The following AMPH variants were observed in gnomAD, a reference collection of about 807,000 sequenced individuals.
AMPH encodes the protein amphiphysin, also known as amphiphysin (Stiff-Mann syndrome with breast cancer 128kD autoantigen).
A neutral mutation model predicts 99.1 loss-of-function variants in AMPH; 49 were observed. The observed-to-expected ratio is 0.49, with a 90% CI of 0.39 to 0.63. The LOEUF (loss-of-function observed/expected upper bound fraction) is 0.63. Ranked by LOEUF, AMPH falls within the 20% of genes least tolerant of loss-of-function variation. The pLI is 0.00. For synonymous variants in AMPH, 314 were observed against 317.3 expected (o/e 0.99, Z 0.11); for missense variants, 759 against 863.4 (o/e 0.88, Z 1.52).
Position 38,461,310 on chromosome 7 carries a change from T to C in AMPH, c.990A>G (p.Pro330=), listed in dbSNP as rs779420821. The C allele has an allele frequency of 8.9e-5, 144 of 1,613,928 alleles. 1 individual carries two copies. In the Admixed American group the frequency reaches 2.4e-3, roughly 27 times the overall value. ...GGGAAGGTGTTGTCACACTGATTTC[T>C]GGAACAAAGTTGTCCTCAAAGAAAC... ...IISFFEDNFV[P]EISVTTPSQN... The change falls in exon 11 of 21, where the codon CCA becomes CCG. Residue 330 remains proline (P), a synonymous_variant. Transcript: ENST00000356264.
At chr7:38,527,015 G>A (rs1424075926) in intron 2 of AMPH, among the ~76,000 whole-genome samples, 1 of 152,180 alleles carries the variant, frequency 6.6e-6, no homozygotes, top group Non-Finnish European at 1.5e-5. Flanking sequence ...TTTGTTGAAA[G>A]GTTATCTTTC....
chr7:38,593,754 C>A (rs903928039), intron 1 of AMPH, among the ~76,000 whole-genome samples: 1 of 152,164 alleles, frequency 6.6e-6, no homozygotes, highest in Non-Finnish European at 1.5e-5. Context: ...AGTCAAAAAT[C>A]CCCACTCAGA....
At chr7:38,535,070 C>A in intron 1 of AMPH, 59 bp from the exon 2 acceptor site, 1 of 1,476,352 alleles carries the variant, frequency 6.8e-7, no homozygotes, top group Non-Finnish European at 9.4e-7. Flanking sequence ...GAAAGATGTG[C>A]ATTTTCTGTT....
intron 11 of AMPH, among the ~76,000 whole-genome samples, chr7:38,457,803 A>G (rs982198785): frequency 6.6e-6 from 1 of 152,250 alleles, no homozygotes; most frequent in African/African-American, 2.4e-5. Flanking sequence ...TCCTAAGAAC[A>G]GCAAGAGAAA....
chr7:38,437,625 C>CAAAAA (rs70977404), intron 11 of AMPH, among the ~76,000 whole-genome samples: 2 of 94,812 alleles, frequency 2.1e-5, no homozygotes, highest in Non-Finnish European at 3.9e-5. Context: ...ACTAAAAATA[C>CAAAAA]AAAAAAAAAA....
At chr7:38,564,692 T>C (rs1791667509) in intron 1 of AMPH, among the ~76,000 whole-genome samples, 1 of 152,220 alleles carries the variant, frequency 6.6e-6, no homozygotes, top group Non-Finnish European at 1.5e-5. Context: ...GGAAATAAAG[T>C]GTCTCCTTCC....
chr7:38,443,127 T>TG (rs1786621385), intron 11 of AMPH, among the ~76,000 whole-genome samples: 1 of 152,014 alleles, frequency 6.6e-6, no homozygotes, highest in African/African-American at 2.4e-5. Context: ...TTAGATGAAA[T>TG]GGACAGATTT....
chr7:38,590,007 A>T (rs1792797081), intron 1 of AMPH, among the ~76,000 whole-genome samples: 1 of 152,184 alleles, frequency 6.6e-6, no homozygotes, highest in African/African-American at 2.4e-5. Context: ...GGCTTCAAAG[A>T]GTGCTTTATC....
chr7:38,484,002 A>G (rs1584151439), intron 5 of AMPH, among the ~76,000 whole-genome samples: 1 of 152,180 alleles, frequency 6.6e-6, no homozygotes, highest in Non-Finnish European at 1.5e-5. Flanking sequence ...CGTTCAGTAG[A>G]ATATTAGATC....
intron 9 of AMPH, among the ~76,000 whole-genome samples, 182 bp downstream of exon 9, chr7:38,465,285 T>C (rs1787607584): frequency 6.6e-6 from 1 of 152,118 alleles, no homozygotes; most frequent in South Asian, 2.1e-4. Context: ...AGAATCCTAG[T>C]TGGGTCACTG....
chr7:38,449,659 G>C (rs1432546010), intron 11 of AMPH, among the ~76,000 whole-genome samples: 1 of 152,196 alleles, frequency 6.6e-6, no homozygotes, highest in Non-Finnish European at 1.5e-5. Flanking sequence ...ATCCACCAGG[G>C]CAATGAACTG....
At chr7:38,588,260 T>C (rs1792737592) in intron 1 of AMPH, among the ~76,000 whole-genome samples, 1 of 152,112 alleles carries the variant, frequency 6.6e-6, no homozygotes, top group Admixed American at 6.5e-5. Flanking sequence ...GCCTTATTAA[T>C]TACTATTAAT....
intron 1 of AMPH, among the ~76,000 whole-genome samples, chr7:38,589,828 A>T (rs184004275): frequency 2.1e-4 from 32 of 152,356 alleles, no homozygotes; most frequent in Admixed American, 1.2e-3. Flanking sequence ...GGCACCTGTG[A>T]ACACAAAATT....
At chr7:38,434,592 AGCC>A (rs1786183563) in intron 12 of AMPH, among the ~76,000 whole-genome samples, 1 of 152,144 alleles carries the variant, frequency 6.6e-6, no homozygotes, top group Non-Finnish European at 1.5e-5. Flanking sequence ...ACAAAAAATT[AGCC>A]AGTCGTGGTG....
At chr7:38,416,654 T>A (rs926487112) in intron 17 of AMPH, among the ~76,000 whole-genome samples, 1 of 152,218 alleles carries the variant, frequency 6.6e-6, no homozygotes, top group Non-Finnish European at 1.5e-5. Context: ...CTTTGTTATT[T>A]AAATAATCTT....
intron 1 of AMPH, among the ~76,000 whole-genome samples, chr7:38,557,579 T>C (rs1441814888): frequency 2.0e-5 from 3 of 152,190 alleles, no homozygotes; most frequent in African/African-American, 7.2e-5. Flanking sequence ...TCCCCAGCCA[T>C]GCTGAACTGT....
intron 17 of AMPH, among the ~76,000 whole-genome samples, chr7:38,406,626 G>T (rs557697900): frequency 1.2e-4 from 18 of 151,814 alleles, no homozygotes; most frequent in African/African-American, 4.4e-4. Context: ...CAATGTGAAT[G>T]GGCACCATCC....
intron 17 of AMPH, among the ~76,000 whole-genome samples, chr7:38,404,148 G>A (rs1243429114): frequency 1.3e-5 from 2 of 151,838 alleles, no homozygotes; most frequent in South Asian, 2.1e-4. Context: ...TGAAGGTCAC[G>A]AGTCCTGCAA....
At chr7:38,403,419 C>A (rs1280060937) in intron 17 of AMPH, among the ~76,000 whole-genome samples, 1 of 152,252 alleles carries the variant, frequency 6.6e-6, no homozygotes, top group Non-Finnish European at 1.5e-5. Context: ...GACAGAGCAG[C>A]AGTGGCCAGC....
Sources: gnomAD v4.1 joint callset for allele counts (sites outside exome capture counted in the v4.1 genomes callset) on GRCh38, gnomAD v4.1.1 for gene constraint, MANE v1.5 for transcripts, NCBI Gene and HGNC (gene_info 2026-07-23, HGNC 2026-07-21) for gene names.